OR4E2: variants seen among roughly 807,000 people sequenced by gnomAD.
OR4E2 encodes olfactory receptor family 4 subfamily E member 2.
In OR4E2, 9 loss-of-function variants were observed where a neutral mutation model predicts 11.0. That is an observed-to-expected ratio of 0.82 (90% CI 0.49 to 1.43). The LOEUF (loss-of-function observed/expected upper bound fraction) is 1.43, where lower values mean the gene tolerates loss of function less well. Among genes scored for constraint, OR4E2 ranks in the 40% most tolerant of loss-of-function variants. The pLI is 0.00. For synonymous variants in OR4E2, 159 were observed against 147.3 expected (o/e 1.08, Z -0.57); for missense variants, 441 against 382.0 (o/e 1.15, Z -1.29).
chr14:21,664,688 T>C (rs1336818558), intron 3 of OR4E2, among the ~76,000 whole-genome samples: 2 of 152,190 alleles, frequency 1.3e-5, no homozygotes, highest in Non-Finnish European at 2.9e-5. Flanking sequence ...TATATCTAAT[T>C]TGATAGAAGA....
chr14:21,656,003 C>A (rs370049038), intron 1 of OR4E2, among the ~76,000 whole-genome samples: 2 of 151,758 alleles, frequency 1.3e-5, no homozygotes, highest in Non-Finnish European at 2.9e-5. Flanking sequence ...AACCGCTGGG[C>A]GTGATGGCTC....
intron 3 of OR4E2, among the ~76,000 whole-genome samples, chr14:21,661,673 A>G (rs1038207769): frequency 3.9e-5 from 6 of 152,240 alleles, no homozygotes; most frequent in African/African-American, 1.2e-4. Context: ...ATTGAGAACC[A>G]CTGCCTTAGG....
rs1199005843 is a variant in OR4E2 at position 21,657,405 on chromosome 14, CCTTT to C, written c.-103+831_-103+834del. On this transcript the variant is annotated intron_variant, in intron 2 of 3. Coordinates refer to ENST00000641524, the MANE Select transcript of OR4E2 (RefSeq NM_001001912.3). ...TCCTTCCTTTCTTTCTTCCTTCCTTCCTTTCTTTCTTTCTTTCTCTTTCTTTCTT... is the reference window on the plus strand; with the variant it reads ...TCCTTCCTTTCTTTCTTCCTTCCTTCCTTTCTTTCTTTCTCTTTCTTTCTT... Among the ~76,000 whole-genome samples, 166 of 132,294 alleles carry C rather than the reference CCTTT, an allele frequency of 1.3e-3. 1 individual carries two copies. Among genetic ancestry groups the C allele is most frequent in the African/African-American group, 2.9e-3 (102 of 35,292 alleles). 86.8% of individuals were successfully genotyped at this position (132,294 alleles called of 152,430 possible).
intron 2 of OR4E2, among the ~76,000 whole-genome samples, chr14:21,657,294 C>CCATGA (rs1368109016): frequency 2.0e-5 from 3 of 152,076 alleles, no homozygotes; most frequent in African/African-American, 7.2e-5. Flanking sequence ...ACATAACTCA[C>CCATGA]CATGACTACA....
rs1879782581 is a variant in OR4E2, at chr14:21,653,877, C to T, written c.-253C>T. ...ATTTTGAGTTTCATGATTTTATATC[C>T]TAGGCTTCTATAATAGGGTATCAGA... On this transcript the variant is annotated 5_prime_UTR_variant, in exon 1 of 4. Transcript: ENST00000641524. The T allele has an allele frequency of 1.3e-5, 2 of 152,066 alleles. No homozygotes were observed. The highest frequency in any genetic ancestry group is 2.9e-5 in the Non-Finnish European group (2 of 68,010). The allele number at this position is 152,066 out of a possible 1,614,324, so 9.4% of individuals were successfully genotyped here. A position where few individuals can be genotyped will look rare whatever the true frequency, so the allele number is the denominator to read the frequency against.
At chr14:21,663,503 T>G (rs1880453806) in intron 3 of OR4E2, among the ~76,000 whole-genome samples, 1 of 151,868 alleles carries the variant, frequency 6.6e-6, no homozygotes, top group South Asian at 2.1e-4. Context: ...TTTTTTTGAT[T>G]TAGTGGAGAG....
rs1211504375 is a variant in OR4E2, at chr14:21,667,562, A to G, written c.*1538A>G. ...CTCATATAAAACTTGAGTCATAGTAAGAGTTTTAGATATCTATGATGAAAT... is the reference window on the plus strand; with the variant it reads ...CTCATATAAAACTTGAGTCATAGTAGGAGTTTTAGATATCTATGATGAAAT... On this transcript the variant is annotated 3_prime_UTR_variant, in exon 4 of 4. Transcript: ENST00000641524. 1 of 152,214 alleles carries G rather than the reference A, an allele frequency of 6.6e-6. No individual in the cohort carries two copies. The highest frequency in any genetic ancestry group is 1.9e-4 in the East Asian group (1 of 5,206). The allele number at this position is 152,214 out of a possible 1,614,324, so 9.4% of individuals were successfully genotyped here. A position where few individuals can be genotyped will look rare whatever the true frequency, so the allele number is the denominator to read the frequency against.
In OR4E2 at chr14:21,665,218, A is replaced by G. The variant is rs1481249849; in HGVS notation, c.136A>G (p.Ile46Val). 9 of 1,613,908 alleles carry G rather than the reference A, an allele frequency of 5.6e-6. No homozygotes were observed. Among genetic ancestry groups the G allele is most frequent in the Non-Finnish European group, 7.6e-6 (9 of 1,179,972 alleles). The change falls in exon 4 of 4, where the codon ATC (isoleucine) becomes GTC (valine). Residue 46 changes from isoleucine to valine, a missense_variant. Transcript: ENST00000641524. Reference protein sequence around the residue: ...MLTLSGNILIIIATVFTPSLH... With the variant: ...MLTLSGNILIVIATVFTPSLH... ...AACGCTTTCGGGGAACATTCTCATC[A>G]TCATTGCCACAGTCTTTACTCCAAG...
Position 21,666,076 on chromosome 14 carries a change from AAAAGT to A in OR4E2, c.*57_*61del. The A allele has an allele frequency of 7.5e-7, 1 of 1,324,570 alleles. No individual in the cohort carries two copies. Among genetic ancestry groups the A allele is most frequent in the Non-Finnish European group, 1.1e-6 (1 of 939,332 alleles). 82.1% of individuals were successfully genotyped at this position (1,324,570 alleles called of 1,614,324 possible). A position where few individuals can be genotyped will look rare whatever the true frequency, so the allele number is the denominator to read the frequency against. ...GCAGCCACATCCTTAATGAAAGAGC[AAAAGT>A]AAAGAGTCAAAATCAACTTATATAA... is the stretch of plus-strand genomic sequence containing the variant. On this transcript the variant is annotated 3_prime_UTR_variant, in exon 4 of 4. Coordinates refer to ENST00000641524, the MANE Select transcript of OR4E2 (RefSeq NM_001001912.3).
chr14:21,654,844 C>T (rs1879856905), intron 1 of OR4E2, among the ~76,000 whole-genome samples: 1 of 151,966 alleles, frequency 6.6e-6, no homozygotes, highest in Non-Finnish European at 1.5e-5. Context: ...CACAGCAGGG[C>T]TGCAGGCTGG....
At chr14:21,658,270 G>A (rs1374039686) in intron 2 of OR4E2, among the ~76,000 whole-genome samples, 1 of 152,124 alleles carries the variant, frequency 6.6e-6, no homozygotes, top group East Asian at 1.9e-4. Flanking sequence ...ACCTGTCAAA[G>A]GTTAGAGCGT....
intron 3 of OR4E2, among the ~76,000 whole-genome samples, chr14:21,663,808 G>A (rs1026669139): frequency 2.0e-5 from 3 of 152,158 alleles, no homozygotes; most frequent in Non-Finnish European, 2.9e-5. Context: ...GTGGGTCCAC[G>A]TGTTCTCATT....
rs146968029 is a variant in OR4E2, at chr14:21,663,720, T to C, written c.-8-1355T>C. Among the ~76,000 whole-genome samples, 13 of 152,270 alleles carry C rather than the reference T, an allele frequency of 8.5e-5. No individual in the cohort carries two copies. The East Asian group carries it at 1.4e-3, about 16-fold the overall frequency. On this transcript the variant is annotated intron_variant, in intron 3 of 3. Transcript: ENST00000641524. ...TAAGTGTGCAGGATGTGCAGTTTTG[T>C]TACATAGGTAAACGTGTGGCATGGT...
In OR4E2 at chr14:21,666,974, G is replaced by A. The variant is rs574386756; in HGVS notation, c.*950G>A. 14 of 152,068 alleles carry A rather than the reference G, an allele frequency of 9.2e-5. No individual in the cohort carries two copies. The highest frequency in any genetic ancestry group is 3.4e-4 in the African/African-American group (14 of 41,462). The allele number at this position is 152,068 out of a possible 1,614,324, so 9.4% of individuals were successfully genotyped here. ...AATCATTAACTACTATCACTCATTG[G>A]GCTGAAGTATATCAGTTTATTGTGG... is the stretch of plus-strand genomic sequence containing the variant. On this transcript the variant is annotated 3_prime_UTR_variant, in exon 4 of 4. Coordinates refer to ENST00000641524, the MANE Select transcript of OR4E2 (RefSeq NM_001001912.3).
intron 2 of OR4E2, among the ~76,000 whole-genome samples, chr14:21,658,574 T>C (rs1429068334): frequency 6.6e-6 from 1 of 151,966 alleles, no homozygotes; most frequent in Non-Finnish European, 1.5e-5. Flanking sequence ...CAGAGAAAGA[T>C]AGGGTTGGAG....
At chr14:21,662,054 T>C (rs1020700304) in intron 3 of OR4E2, among the ~76,000 whole-genome samples, 3 of 152,150 alleles carry the variant, frequency 2.0e-5, no homozygotes, top group Non-Finnish European at 4.4e-5. Flanking sequence ...AAAAAGTATT[T>C]GATTTTCTTT....
At chr14:21,657,440 TTTCCTTCC>T (rs555201549) in intron 2 of OR4E2, among the ~76,000 whole-genome samples, 16,900 of 75,990 alleles carry the variant, frequency 0.22, 2,203 homozygotes, top group Non-Finnish European at 0.27. Context: ...TTCTTCTTTC[TTTCCTTCC>T]TTCCTTCCTT....
chr14:21,654,428 T>C (rs1879820020), intron 1 of OR4E2, among the ~76,000 whole-genome samples: 1 of 145,558 alleles, frequency 6.9e-6, no homozygotes, highest in South Asian at 2.2e-4. Flanking sequence ...ACACACACGC[T>C]GCATGCACAC....
chr14:21,656,444 T>G (rs1355443843), intron 1 of OR4E2, 58 bp from the exon 2 acceptor site: 2 of 151,606 alleles, frequency 1.3e-5, no homozygotes, highest in African/African-American at 4.9e-5. Flanking sequence ...AATATCCAAA[T>G]CAGAGTGTAT....
Sources: allele counts gnomAD v4.1 joint callset (sites outside exome capture counted in the v4.1 genomes callset), GRCh38; gene constraint gnomAD v4.1.1; transcripts MANE v1.5; gene names NCBI Gene and HGNC (gene_info 2026-07-23, HGNC 2026-07-21).